LYPLAL1: variants seen among roughly 807,000 people sequenced by gnomAD.
The protein encoded by LYPLAL1 is lysophospholipase-like protein 1.
LYPLAL1 carries 23 observed loss-of-function variants against 19.7 expected under a neutral mutation model. That is an observed-to-expected ratio of 1.17 (90% CI 0.84 to 1.65). The LOEUF (loss-of-function observed/expected upper bound fraction) is 1.65. LYPLAL1 is among the 40% of genes most tolerant of loss of function. The pLI is 0.00. For missense variants in LYPLAL1, 355 were observed against 279.4 expected (o/e 1.27, Z -1.93); for synonymous variants, 119 against 96.3 (o/e 1.24, Z -1.38).
chr1:219,439,992 C>CACATATATATATATATAT, the LYPLAL1 span, among the ~76,000 whole-genome samples: 10 of 32,386 alleles, frequency 3.1e-4, no homozygotes, highest in South Asian at 8.3e-4. Flanking sequence ...TATATATATA[C>CACATATATATATATATAT]ACACATATAT....
At chr1:219,334,526 G>GGTGTGTGT in the LYPLAL1 span, among the ~76,000 whole-genome samples, 229 of 147,248 alleles carry the variant, frequency 1.6e-3, no homozygotes, top group South Asian at 8.9e-3. Flanking sequence ...AATGAAGAGG[G>GGTGTGTGT]GTGTGTGTGT....
the LYPLAL1 span, among the ~76,000 whole-genome samples, chr1:219,401,086 T>A: frequency 3.3e-5 from 5 of 152,226 alleles, no homozygotes; most frequent in African/African-American, 9.6e-5. Context: ...AAAAGAAATA[T>A]ATAGTGGGGT....
At chr1:219,240,235 C>A in the LYPLAL1 span, among the ~76,000 whole-genome samples, 2 of 151,982 alleles carry the variant, frequency 1.3e-5, no homozygotes, top group East Asian at 3.9e-4. Flanking sequence ...TGAAGTATGT[C>A]ATGGAAATGG....
the LYPLAL1 span, among the ~76,000 whole-genome samples, chr1:219,370,184 C>T: frequency 2.0e-5 from 3 of 152,282 alleles, 1 homozygote; most frequent in Middle Eastern, 6.8e-3. Context: ...TCCAGTTTTC[C>T]AGCTTCCTAC....
the LYPLAL1 span, among the ~76,000 whole-genome samples, chr1:219,377,562 C>T: frequency 2.6e-5 from 4 of 151,984 alleles, no homozygotes; most frequent in East Asian, 7.7e-4. Context: ...CCCCCACATA[C>T]CTTTAGTTTA....
chr1:219,419,860 G>A, the LYPLAL1 span, among the ~76,000 whole-genome samples: 13 of 152,290 alleles, frequency 8.5e-5, no homozygotes, highest in East Asian at 2.5e-3. Context: ...CCTCTGGAAG[G>A]AAATATGTGT....
chr1:219,397,365 C>T, the LYPLAL1 span, among the ~76,000 whole-genome samples: 1 of 152,092 alleles, frequency 6.6e-6, no homozygotes, highest in East Asian at 1.9e-4. Flanking sequence ...GGATATTGGC[C>T]TGAAGGTTTC....
chr1:219,173,904 CGG>C lies in LYPLAL1; in HGVS notation c.17_18del (p.Gly6ValfsTer15). Reference sequence around the variant, plus strand: ...GTGGCATCAGCGATGGCGGCTGCGTCGGGGTCGGTTCTGCAGCGCTGTATCGT... The same window carrying C: ...GTGGCATCAGCGATGGCGGCTGCGTCGGTCGGTTCTGCAGCGCTGTATCGT... On this transcript the variant is annotated frameshift_variant, in exon 1 of 5. Transcript: ENST00000366928. LOFTEE classifies it high-confidence loss of function. 6.2e-7 allele frequency: 1 copy of C among 1,613,164 alleles called. No individual in the cohort carries two copies. Among genetic ancestry groups the C allele is most frequent in the South Asian group, 1.1e-5 (1 of 91,078 alleles).
At chr1:219,408,052 G>A in the LYPLAL1 span, among the ~76,000 whole-genome samples, 12 of 152,102 alleles carry the variant, frequency 7.9e-5, no homozygotes, top group Admixed American at 2.0e-4. Context: ...ATGGATTGGA[G>A]GGGAACACAA....
chr1:219,416,085 A>G, the LYPLAL1 span, among the ~76,000 whole-genome samples: 6 of 152,202 alleles, frequency 3.9e-5, no homozygotes, highest in African/African-American at 1.4e-4. Flanking sequence ...CTCCACACTC[A>G]ATTTCTCCTA....
the LYPLAL1 span, among the ~76,000 whole-genome samples, chr1:219,351,874 TA>T: frequency 6.6e-6 from 1 of 152,208 alleles, no homozygotes; most frequent in South Asian, 2.1e-4. Flanking sequence ...CTAAAATATT[TA>T]TAAACTGCCA....
chr1:219,184,772 C>G (rs1274386270), intron 2 of LYPLAL1, among the ~76,000 whole-genome samples: 16 of 151,836 alleles, frequency 1.1e-4, no homozygotes, highest in Admixed American at 1.1e-3. Flanking sequence ...ACCTTACATT[C>G]CTGGGATAAA....
At chr1:219,411,113 C>G in the LYPLAL1 span, among the ~76,000 whole-genome samples, 104 of 152,306 alleles carry the variant, frequency 6.8e-4, no homozygotes, top group African/African-American at 2.5e-3. Flanking sequence ...CAGCTGGGCT[C>G]CTGAGTCTGG....
chr1:219,325,501 A>G, the LYPLAL1 span, among the ~76,000 whole-genome samples: 1 of 152,224 alleles, frequency 6.6e-6, no homozygotes, highest in Non-Finnish European at 1.5e-5. Flanking sequence ...AGTGGGAAAT[A>G]GCAATACTCT....
At chr1:219,282,675 G>A in the LYPLAL1 span, among the ~76,000 whole-genome samples, 4 of 152,062 alleles carry the variant, frequency 2.6e-5, no homozygotes, top group Non-Finnish European at 5.9e-5. Flanking sequence ...GTGGAACAAA[G>A]CGTGAAAAAT....
At chr1:219,286,104 GC>G in the LYPLAL1 span, among the ~76,000 whole-genome samples, 4 of 152,096 alleles carry the variant, frequency 2.6e-5, no homozygotes, top group Non-Finnish European at 5.9e-5. Context: ...GGACTAAATG[GC>G]CACCAGGTAC....
At chr1:219,318,789 T>G in the LYPLAL1 span, among the ~76,000 whole-genome samples, 1 of 152,128 alleles carries the variant, frequency 6.6e-6, no homozygotes, top group African/African-American at 2.4e-5. Context: ...CCTCAAACAC[T>G]CACCAAGAGG....
chr1:219,369,979 G>C, the LYPLAL1 span, among the ~76,000 whole-genome samples: 1 of 152,198 alleles, frequency 6.6e-6, no homozygotes, highest in Non-Finnish European at 1.5e-5. Context: ...GACAAAAAAA[G>C]AAGAGTGTTT....
the LYPLAL1 span, among the ~76,000 whole-genome samples, chr1:219,261,665 T>C: frequency 3.3e-5 from 5 of 152,218 alleles, no homozygotes; most frequent in Admixed American, 2.0e-4. Context: ...CTGATAGTTA[T>C]TTTGTTTGAG....
Sources: gnomAD v4.1 joint callset for allele counts (sites outside exome capture counted in the v4.1 genomes callset) on GRCh38, gnomAD v4.1.1 for gene constraint, MANE v1.5 for transcripts, NCBI Gene and HGNC (gene_info 2026-07-23, HGNC 2026-07-21) for gene names.